KRT14: variants seen among roughly 807,000 people sequenced by gnomAD.
KRT14 encodes the protein keratin 14.
KRT14 carries 30 observed loss-of-function variants against 44.5 expected under a neutral mutation model. The observed-to-expected ratio is 0.67, with a 90% CI of 0.50 to 0.92. The LOEUF is 0.92. Ranked by LOEUF, KRT14 falls within the 40% of genes least tolerant of loss-of-function variation. KRT14 has a pLI of 0.00. For missense variants in KRT14, 535 were observed against 640.6 expected, an observed-to-expected ratio of 0.84 and a Z score of 1.78; for synonymous variants, 241 against 257.6, an observed-to-expected ratio of 0.94 and a Z score of 0.62.
rs751923653 is a variant in KRT14 at position 41,582,447 on chromosome 17, G to A, written c.1407C>T (p.Arg469=). The change falls in exon 8 of 8, where the codon CGC becomes CGT. Residue 469 remains arginine, a synonymous_variant. Transcript: ENST00000167586. The part of the protein sequence containing the change: ...KVVSTHEQVL[R]TKN ...GGGCTGGGCAGCCTCAGTTCTTGGT[G>A]CGAAGGACCTGCTCGTGGGTGGACA... is the stretch of plus-strand genomic sequence containing the variant. The A allele has an allele frequency of 8.3e-6, 13 of 1,565,464 alleles. No individual in the cohort carries two copies. The South Asian group carries it at 1.3e-4, about 16-fold the overall frequency.
chr17:41,586,172 G>A (rs577785936), intron 1 of KRT14, 138 bp downstream of exon 1: 3 of 1,071,184 alleles, frequency 2.8e-6, no homozygotes, highest in Admixed American at 1.9e-5. Flanking sequence ...CAGTCTTAGG[G>A]CATCCAAGAC....
In KRT14 at chr17:41,582,454, A is replaced by G; in HGVS notation, c.1400T>C (p.Val467Ala). 6.4e-7 allele frequency: 1 copy of G among 1,568,206 alleles called. No homozygotes were observed. Among genetic ancestry groups the G allele is most frequent in the South Asian group, 1.2e-5 (1 of 84,938 alleles). ...DGKVVSTHEQ[V>A]LRTKN ...GCAGCCTCAGTTCTTGGTGCGAAGG[A>G]CCTGCTCGTGGGTGGACACCACCTT... is the stretch of plus-strand genomic sequence containing the variant. Residue 467 changes from valine (V) to alanine (A), a missense_variant, in exon 8 of 8, where the codon GTC becomes GCC. Coordinates refer to ENST00000167586, the MANE Select transcript of KRT14 (RefSeq NM_000526.5).
Position 41,586,674 on chromosome 17 carries a change from G to A in KRT14, c.161C>T (p.Ser54Phe), listed in dbSNP as rs11551751. The change falls in exon 1 of 8, where the codon TCC becomes TTC. Residue 54 changes from serine (S) to phenylalanine (F), a missense_variant. By Grantham distance (155) the Ser-to-Phe change is radical. Coordinates refer to ENST00000167586, the MANE Select transcript of KRT14 (RefSeq NM_000526.5). ...STYGGGLSVS[S>F]SRFSSGGACG... ...GGCTCCCCCAGAGGAGAAGCGGGAG[G>A]ATGAGACAGACAGGCCGCCCCCGTA... The A allele has an allele frequency of 1.9e-6, 3 of 1,600,028 alleles. No individual in the cohort carries two copies. Among genetic ancestry groups the A allele is most frequent in the South Asian group, 2.2e-5 (2 of 89,960 alleles).
chr17:41,585,566 G>A (rs2144585097), intron 1 of KRT14, among the ~76,000 whole-genome samples: 1 of 152,344 alleles, frequency 6.6e-6, no homozygotes. Context: ...GGACTCAGGG[G>A]AAGAATAAGA....
Position 41,582,528 on chromosome 17 carries a change from G to A in KRT14, c.1326C>T (p.Thr442=). 1 of 1,561,962 alleles carries A rather than the reference G, an allele frequency of 6.4e-7. No homozygotes were observed. The highest frequency in any genetic ancestry group is 8.7e-7 in the Non-Finnish European group (1 of 1,152,830). Residue 442 remains threonine, a synonymous_variant, in exon 8 of 8, where the codon ACC becomes ACT. Transcript: ENST00000167586. ...SSGSQSSRDV[T]SSSRQIRTKV... ...TGGTGCGGATTTGGCGGCTGGAGGA[G>A]GTCACTGGGGAAGAGGTGGGAAGAG...
Position 41,584,400 on chromosome 17 carries a change from ACT to A in KRT14, c.620_621del (p.Glu207ValfsTer27). 6.2e-7 allele frequency: 1 copy of A among 1,613,822 alleles called. No individual in the cohort carries two copies. The highest frequency in any genetic ancestry group is 8.5e-7 in the Non-Finnish European group (1 of 1,179,962). Reference sequence around the variant, plus strand: ...GCTTCCACACTCATGCGCAGGTTCAACTCTGTCTCATACCTGGAATGACCCCA... The same window carrying A: ...GCTTCCACACTCATGCGCAGGTTCAACTGTCTCATACCTGGAATGACCCCA... ...ADDFRTKYET[E>X]LNLRMSVEAD... On this transcript the variant is annotated frameshift_variant, in exon 3 of 8. Coordinates refer to ENST00000167586, the MANE Select transcript of KRT14 (RefSeq NM_000526.5). LOFTEE classifies it high-confidence loss of function.
At position 41,583,541 on chromosome 17, in the gene KRT14, C is replaced by G. The variant is rs1362572965; in HGVS notation, c.1053+10G>C. On this transcript the variant is annotated intron_variant, in intron 5 of 7. Coordinates refer to ENST00000167586, the MANE Select transcript of KRT14 (RefSeq NM_000526.5). ...CCTGGGTGCACCACCCTTCCTGGCA[C>G]TATTCCTACCATGCTGAGCTGGGAC... The G allele has an allele frequency of 1.2e-6, 2 of 1,614,244 alleles. No homozygotes were observed. The highest frequency in any genetic ancestry group is 2.2e-5 in the East Asian group (1 of 44,880).
chr17:41,585,009 T>C lies in KRT14; in HGVS notation c.574A>G (p.Asn192Asp). ...DNANVLLQID[N>D]ARLAADDFRT... ...AAGTCATCCGCGGCCAGACGGGCAT[T>C]GTCAATCTGCAGAAGGACATTGGCA... is the stretch of plus-strand genomic sequence containing the variant. Residue 192 changes from asparagine to aspartate, a missense_variant, in exon 2 of 8, where the codon AAT (asparagine) becomes GAT (aspartate). Transcript: ENST00000167586. 1 of 1,614,168 alleles carries C rather than the reference T, an allele frequency of 6.2e-7. No homozygotes were observed. Among genetic ancestry groups the C allele is most frequent in the Non-Finnish European group, 8.5e-7 (1 of 1,180,002 alleles).
chr17:41,586,616 G>A lies in KRT14; in HGVS notation c.219C>T (p.Phe73=), dbSNP rs767068350. The change falls in exon 1 of 8, where the codon TTC becomes TTT. Residue 73 remains phenylalanine (F), a synonymous_variant. Transcript: ENST00000167586. The stretch of plus-strand genomic sequence containing the variant: ...TACCAAAGCTGCTGCTGCTGCTGCT[G>A]AAGCCACCGCCATAGCCGCCCCCCA... ...CGLGGGYGGG[F]SSSSSSFGSG... 20 of 1,610,292 alleles carry A rather than the reference G, an allele frequency of 1.2e-5. No homozygotes were observed. The African/African-American group carries it at 1.7e-4, about 14-fold the overall frequency.
In KRT14 at chr17:41,586,735, C is replaced by T. The variant is rs762702328; in HGVS notation, c.100G>A (p.Val34Ile). The stretch of plus-strand genomic sequence containing the variant: ...GCGCGGCAGGACCCTCCGGCCAGGA[C>T]GGAGGAGATGCGGCTGGAGCCGCCC... ...IGGGSSRISS[V>I]LAGGSCRAPS... The change falls in exon 1 of 8, where the codon GTC becomes ATC. Residue 34 changes from valine to isoleucine, a missense_variant. Coordinates refer to ENST00000167586, the MANE Select transcript of KRT14 (RefSeq NM_000526.5). The T allele has an allele frequency of 1.3e-4, 204 of 1,587,846 alleles. No individual in the cohort carries two copies. Among genetic ancestry groups the T allele is most frequent in the Middle Eastern group, 1.1e-3 (5 of 4,454 alleles).
chr17:41,583,912 C>G lies in KRT14; in HGVS notation c.775G>C (p.Ala259Pro). 6.2e-7 allele frequency: 1 copy of G among 1,613,850 alleles called. No homozygotes were observed. The highest frequency in any genetic ancestry group is 1.3e-5 in the African/African-American group (1 of 74,954). The change falls in exon 4 of 8, where the codon GCC becomes CCC. Residue 259 changes from alanine to proline, a missense_variant. Coordinates refer to ENST00000167586, the MANE Select transcript of KRT14 (RefSeq NM_000526.5). ...TCTCCACCCACCTGGCCTCTCAGGG[C>G]ATTCATCTCCTGCACAGCCAGGGAC... Reference protein sequence around the residue: ...LKKNHEEEMNALRGQVGGDVN... With the variant: ...LKKNHEEEMNPLRGQVGGDVN...
At position 41,584,328 on chromosome 17, in the gene KRT14, T is replaced by C; in HGVS notation, c.694A>G (p.Arg232Gly). 6.2e-7 allele frequency: 1 copy of C among 1,614,102 alleles called. No individual in the cohort carries two copies. The highest frequency in any genetic ancestry group is 1.7e-5 in the Admixed American group (1 of 60,012). Residue 232 changes from arginine to glycine, a missense_variant, in exon 3 of 8, where the codon AGA (arginine) becomes GGA (glycine). By Grantham distance (125) the Arg-to-Gly change is moderately radical. Transcript: ENST00000167586. Reference protein sequence around the residue: ...RRVLDELTLARADLEMQIESL... With the variant: ...RRVLDELTLAGADLEMQIESL... ...TCAATCTGCATCTCCAGGTCAGCTCTGGCCAGGGTCAGTTCGTCCAGCACC... is the reference window on the plus strand; with the variant it reads ...TCAATCTGCATCTCCAGGTCAGCTCCGGCCAGGGTCAGTTCGTCCAGCACC...
chr17:41,584,640 G>T (rs976674033), intron 2 of KRT14, among the ~76,000 whole-genome samples: 3 of 152,158 alleles, frequency 2.0e-5, no homozygotes, highest in Non-Finnish European at 2.9e-5. Context: ...TCAGGAGGGG[G>T]TTGCACTTCT....
rs1567736651 is a variant in KRT14 at position 41,583,396 on chromosome 17, G to A, written c.1113C>T (p.Ala371=). The A allele has an allele frequency of 6.2e-7, 1 of 1,613,876 alleles. No homozygotes were observed. The highest frequency in any genetic ancestry group is 8.5e-7 in the Non-Finnish European group (1 of 1,180,020). Residue 371 remains alanine, a synonymous_variant, in exon 6 of 8, where the codon GCC becomes GCT. Transcript: ENST00000167586. ...CGCTGCCAATCATCTCCTGGATCTG[G>A]GCCAGCTGCATGCAGTAGCGACCTT... The part of the protein sequence containing the change: ...ETKGRYCMQL[A]QIQEMIGSVE...
At position 41,583,591 on chromosome 17, in the gene KRT14, A is replaced by C. The variant is rs201507105; in HGVS notation, c.1013T>G (p.Met338Arg). The C allele has an allele frequency of 1.1e-4, 176 of 1,614,046 alleles. No individual in the cohort carries two copies. Among genetic ancestry groups the C allele is most frequent in the Non-Finnish European group, 1.4e-4 (169 of 1,180,032 alleles). Reference protein sequence around the residue: ...KSEISELRRTMQNLEIELQSQ... With the variant: ...KSEISELRRTRQNLEIELQSQ... ...CTGCAGCTCAATCTCCAGGTTCTGC[A>C]TGGTGCGCCGGAGCTCCGAGATCTC... is the stretch of plus-strand genomic sequence containing the variant. The change falls in exon 5 of 8, where the codon ATG becomes AGG. Residue 338 changes from methionine to arginine, a missense_variant. By Grantham distance (91) the Met-to-Arg change is moderately conservative. Coordinates refer to ENST00000167586, the MANE Select transcript of KRT14 (RefSeq NM_000526.5).
At chr17:41,585,766 A>T (rs1907505126) in intron 1 of KRT14, among the ~76,000 whole-genome samples, 1 of 152,202 alleles carries the variant, frequency 6.6e-6, no homozygotes, top group Non-Finnish European at 1.5e-5. Context: ...ACATCAAGGG[A>T]CCACACTAAT....
intron 1 of KRT14, 52 bp from the exon 2 acceptor site, chr17:41,585,109 G>T: frequency 7.6e-7 from 1 of 1,320,772 alleles, no homozygotes; most frequent in Non-Finnish European, 1.1e-6. Flanking sequence ...TCACAAGCTG[G>T]ACTTCACTGT....
chr17:41,583,939 G>T lies in KRT14; in HGVS notation c.766-18C>A. 6.2e-7 allele frequency: 1 copy of T among 1,613,866 alleles called. No homozygotes were observed. On this transcript the variant is annotated intron_variant, in intron 3 of 7. Transcript: ENST00000167586. ...TTCATCTCCTGCACAGCCAGGGACA[G>T]TCCACAGTCAGGAGTTCCACCATGG...
intron 2 of KRT14, 46 bp downstream of exon 2, chr17:41,584,929 C>G (rs1383768218): frequency 6.8e-7 from 1 of 1,475,238 alleles, no homozygotes; most frequent in African/African-American, 1.4e-5. Flanking sequence ...CAAAAATGCC[C>G]TACTCTGGGG....
Sources: allele counts gnomAD v4.1 joint callset (sites outside exome capture counted in the v4.1 genomes callset), GRCh38; gene constraint gnomAD v4.1.1; transcripts MANE v1.5; gene names NCBI Gene and HGNC (gene_info 2026-07-23, HGNC 2026-07-21).